The following DNAI3 variants were observed in gnomAD, a reference collection of about 807,000 sequenced individuals.
The protein encoded by DNAI3 is WD repeat domain 63.
DNAI3 carries 83 observed loss-of-function variants against 115.5 expected under a neutral mutation model. That is an observed-to-expected ratio of 0.72 (90% CI 0.60 to 0.86). The LOEUF (loss-of-function observed/expected upper bound fraction) is 0.86. Among genes scored for constraint, DNAI3 ranks in the 40% least tolerant of loss-of-function variants. The pLI is 0.00. For synonymous variants in DNAI3, 320 were observed against 347.0 expected (o/e 0.92, Z 0.86); for missense variants, 1,004 against 1,075.8 (o/e 0.93, Z 0.93).
chr1:85,064,897 T>A (rs115572187), intron 1 of DNAI3, among the ~76,000 whole-genome samples: 2,061 of 152,180 alleles, frequency 0.014, 58 homozygotes, highest in African/African-American at 0.047. Context: ...GCTGGGCATG[T>A]TGGTGGACAC....
Position 85,081,231 on chromosome 1 carries a change from T to G in DNAI3, c.104-3T>G, listed in dbSNP as rs1470312330. The G allele has an allele frequency of 6.4e-7, 1 of 1,574,016 alleles. No homozygotes were observed. The highest frequency in any genetic ancestry group is 8.6e-7 in the Non-Finnish European group (1 of 1,168,662). On this transcript the variant is annotated splice_region_variant and splice_polypyrimidine_tract_variant and intron_variant, in intron 3 of 22. Transcript: ENST00000294664. ...TGTCCAAATTCCACTTTGTCTTTCC[T>G]AGGTCATCCAGAAATTTATCCTTTA...
At chr1:85,119,216 A>G (rs1655917705) in intron 17 of DNAI3, among the ~76,000 whole-genome samples, 1 of 152,232 alleles carries the variant, frequency 6.6e-6, no homozygotes, top group African/African-American at 2.4e-5. Flanking sequence ...CCTTTCCCAA[A>G]GGAGTTCAAT....
At position 85,110,090 on chromosome 1, in the gene DNAI3, A is replaced by G. The variant is rs1389778162; in HGVS notation, c.1741A>G (p.Thr581Ala). 4 of 1,613,796 alleles carry G rather than the reference A, an allele frequency of 2.5e-6. No individual in the cohort carries two copies. Among genetic ancestry groups the G allele is most frequent in the Admixed American group, 1.7e-5 (1 of 60,002 alleles). The change falls in exon 16 of 23, where the codon ACC becomes GCC. Residue 581 changes from threonine (T) to alanine (A), a missense_variant. Transcript: ENST00000294664. Reference sequence around the variant, plus strand: ...TGAAACAAGTTTAGACCACTGTCCAACCAAGATAAGCCTGAATGAAGACCA... The same window carrying G: ...TGAAACAAGTTTAGACCACTGTCCAGCCAAGATAAGCCTGAATGAAGACCA... ...KGETSLDHCP[T>A]KISLNEDHLL...
intron 22 of DNAI3, among the ~76,000 whole-genome samples, chr1:85,132,249 C>T (rs1211141053): frequency 6.6e-6 from 1 of 152,250 alleles, no homozygotes; most frequent in Non-Finnish European, 1.5e-5. Context: ...AAAGTGTTCA[C>T]ATGTTCGTCC....
At chr1:85,065,578 T>C (rs1654073405) in intron 1 of DNAI3, among the ~76,000 whole-genome samples, 1 of 152,154 alleles carries the variant, frequency 6.6e-6, no homozygotes, top group South Asian at 2.1e-4. Flanking sequence ...TGTGTGTGTG[T>C]GTGTAGAGTG....
intron 14 of DNAI3, among the ~76,000 whole-genome samples, chr1:85,107,718 A>G (rs1320016561): frequency 6.6e-6 from 1 of 152,120 alleles, no homozygotes; most frequent in Non-Finnish European, 1.5e-5. Flanking sequence ...AAAACCATTG[A>G]GTTATACACT....
At chr1:85,098,505 T>C (rs1299749527) in intron 12 of DNAI3, 25 bp from the exon 13 acceptor site, 1 of 1,605,178 alleles carries the variant, frequency 6.2e-7, no homozygotes, top group Non-Finnish European at 8.5e-7. Flanking sequence ...AAATTAGCAC[T>C]TAACTTTCTT....
chr1:85,091,331 A>G (rs1654966800), intron 8 of DNAI3, among the ~76,000 whole-genome samples: 2 of 152,238 alleles, frequency 1.3e-5, no homozygotes, highest in Non-Finnish European at 2.9e-5. Context: ...TTATCTTTAG[A>G]CCTGGGCTTT....
chr1:85,120,944 T>C (rs1655977491), intron 17 of DNAI3, among the ~76,000 whole-genome samples: 1 of 152,216 alleles, frequency 6.6e-6, no homozygotes. Context: ...CTCCCCTTCC[T>C]GGCTACAGAT....
At chr1:85,076,640 T>G (rs1285877730) in intron 3 of DNAI3, among the ~76,000 whole-genome samples, 3 of 152,116 alleles carry the variant, frequency 2.0e-5, no homozygotes, top group Admixed American at 2.0e-4. Context: ...AAACTTCCCT[T>G]TATAAAACCA....
At chr1:85,108,243 A>T in intron 15 of DNAI3, 66 bp downstream of exon 15, 1 of 1,433,940 alleles carries the variant, frequency 7.0e-7, no homozygotes, top group African/African-American at 1.4e-5. Context: ...GCATGCATAG[A>T]CATACATATA....
chr1:85,132,852 C>G lies in DNAI3; in HGVS notation c.2533-3C>G. 1.9e-6 allele frequency: 3 copies of G among 1,597,876 alleles called. No homozygotes were observed. Among genetic ancestry groups the G allele is most frequent in the Non-Finnish European group, 2.6e-6 (3 of 1,174,088 alleles). On this transcript the variant is annotated splice_polypyrimidine_tract_variant and splice_region_variant and intron_variant, in intron 22 of 22. Coordinates refer to ENST00000294664, the MANE Select transcript of DNAI3 (RefSeq NM_145172.5). ...GGATGTCTTGTTTTTCTTCCCCCCCCAGAAAACATATCAGAAGTCAAAAGA... is the reference window on the plus strand; with the variant it reads ...GGATGTCTTGTTTTTCTTCCCCCCCGAGAAAACATATCAGAAGTCAAAAGA...
At chr1:85,104,166 G>A (rs1460190676) in intron 13 of DNAI3, among the ~76,000 whole-genome samples, 1 of 149,034 alleles carries the variant, frequency 6.7e-6, no homozygotes, top group Non-Finnish European at 1.5e-5. Context: ...TGTCGCCCAG[G>A]CTGGAGTGCG....
At chr1:85,099,324 T>C in intron 13 of DNAI3, 1 of 969,592 alleles carries the variant, frequency 1.0e-6, no homozygotes, top group Non-Finnish European at 1.2e-6. Flanking sequence ...ACAAGCATTC[T>C]ATACACCAAT....
At chr1:85,084,473 A>ATAT in intron 5 of DNAI3, 73 bp from the exon 6 acceptor site, 1 of 954,458 alleles carries the variant, frequency 1.0e-6, no homozygotes, top group Non-Finnish European at 1.4e-6. Flanking sequence ...TTTGTTGCAA[A>ATAT]ATATATATAT....
chr1:85,112,201 G>A (rs1480015730), intron 16 of DNAI3, among the ~76,000 whole-genome samples: 5 of 152,074 alleles, frequency 3.3e-5, no homozygotes, highest in South Asian at 2.1e-4. Context: ...ACAAGCATGC[G>A]CCACCACATG....
In DNAI3 at chr1:85,117,612, A is replaced by G. The variant is rs1655870552; in HGVS notation, c.1787-117A>G. On this transcript the variant is annotated intron_variant, in intron 16 of 22. Coordinates refer to ENST00000294664, the MANE Select transcript of DNAI3 (RefSeq NM_145172.5). ...AAATGCTTGGACTTATGCTCACTAC[A>G]TTGGGAAGGGAATGGGGCAAATGCA... 5 of 1,394,348 alleles carry G rather than the reference A, an allele frequency of 3.6e-6. No homozygotes were observed. The South Asian group carries it at 5.4e-5, about 15-fold the overall frequency. 86.4% of individuals were successfully genotyped at this position (1,394,348 alleles called of 1,614,324 possible).
chr1:85,124,224 C>T lies in DNAI3; in HGVS notation c.2085C>T (p.Asn695=), dbSNP rs778613548. The T allele has an allele frequency of 5.6e-6, 9 of 1,609,814 alleles. No individual in the cohort carries two copies. In the South Asian group the frequency reaches 7.7e-5, roughly 14 times the overall value. Residue 695 remains asparagine (N), a synonymous_variant, in exon 19 of 23, where the codon AAC becomes AAT. Transcript: ENST00000294664. ...NDIILTVGGW[N]VAIWKEGVMT... ...TTATTCTCACGGTTGGAGGTTGGAA[C>T]GTGGCCATATGGAAAGAAGGTGTTA...
chr1:85,064,405 G>A (rs1262600168), intron 1 of DNAI3, among the ~76,000 whole-genome samples: 2 of 152,210 alleles, frequency 1.3e-5, no homozygotes, highest in African/African-American at 4.8e-5. Flanking sequence ...AGACATTGTA[G>A]GAATAGTTGT....
Sources: allele counts gnomAD v4.1 joint callset (sites outside exome capture counted in the v4.1 genomes callset), GRCh38; gene constraint gnomAD v4.1.1; transcripts MANE v1.5; gene names NCBI Gene and HGNC (gene_info 2026-07-23, HGNC 2026-07-21).